ACAN: variants seen among roughly 807,000 people sequenced by gnomAD.
The protein encoded by ACAN is aggrecan core protein.
In ACAN, 47 loss-of-function variants were observed where a neutral mutation model predicts 169.1. The ratio of observed to expected loss-of-function variants is 0.28; its 90% CI spans 0.22 to 0.35. The LOEUF (loss-of-function observed/expected upper bound fraction) is 0.35. ACAN is among the 10% of genes least tolerant of loss of function. The pLI, the probability that ACAN is intolerant of heterozygous loss-of-function variation, is 1.00. For missense variants in ACAN, 2,716 were observed against 2,759.9 expected, an observed-to-expected ratio of 0.98 and a Z score of 0.36; for synonymous variants, 1,115 against 1,112.2, an observed-to-expected ratio of 1.00 and a Z score of -0.05.
rs1160385909 is a variant in ACAN at position 88,839,678 on chromosome 15, C to A, written c.455-334C>A. Among the ~76,000 whole-genome samples the A allele has an allele frequency of 1.3e-5, 2 of 152,180 alleles. No homozygotes were observed. The highest frequency in any genetic ancestry group is 1.3e-4 in the Admixed American group (2 of 15,286). On this transcript the variant is annotated intron_variant, in intron 3 of 18. Coordinates refer to ENST00000560601, the MANE Select transcript of ACAN (RefSeq NM_001369268.1). The surrounding 1 kb of genome is among the most constrained non-coding windows in gnomAD (Gnocchi z 4.5). The stretch of plus-strand genomic sequence containing the variant: ...TGAGGGTGCAGGGCATTCTGAGTGT[C>A]TGTTTCTCTTAATGCAATATGGGGG...
intron 1 of ACAN, among the ~76,000 whole-genome samples, chr15:88,828,240 A>C (rs1461524303): frequency 6.6e-6 from 1 of 152,108 alleles, no homozygotes; most frequent in Admixed American, 6.6e-5. Flanking sequence ...GTGTGAGCAA[A>C]AGAAGGGAGT....
intron 8 of ACAN, 86 bp downstream of exon 8, chr15:88,847,503 T>C (rs1036227693): frequency 2.8e-6 from 4 of 1,405,252 alleles, no homozygotes; most frequent in Non-Finnish European, 3.8e-6. Context: ...CCCAGCACAC[T>C]GAGCACCCAA....
At position 88,814,095 on chromosome 15, in the gene ACAN, A is replaced by T. The variant is rs1895883478; in HGVS notation, c.-8+10286A>T. ...GATGGGATAGAAGGGCTCCAGGCTC[A>T]CCAAAGTGACTTCGTCAGCAGCCAT... On this transcript the variant is annotated intron_variant, in intron 1 of 18. Transcript: ENST00000560601. This position sits in a 1 kb window ranked among gnomAD's most constrained non-coding sequence, Gnocchi z 4.0. 6.6e-6 allele frequency among the ~76,000 whole-genome samples: 1 copy of T among 152,218 alleles called. No homozygotes were observed. Among genetic ancestry groups the T allele is most frequent in the African/African-American group, 2.4e-5 (1 of 41,436 alleles).
rs576077940 is a variant in ACAN at position 88,836,282 on chromosome 15, G to A, written c.70+6G>A. The A allele has an allele frequency of 1.9e-6, 3 of 1,611,690 alleles. No homozygotes were observed. Among genetic ancestry groups the A allele is most frequent in the South Asian group, 1.1e-5 (1 of 90,760 alleles). On this transcript the variant is annotated splice_donor_region_variant and intron_variant, in intron 2 of 18. Transcript: ENST00000560601. Reference sequence around the variant, plus strand: ...TGTCACTGTAGAAACTTCAGGTGAGGACATTCCTATACATGTTTCACGTAT... The same window carrying A: ...TGTCACTGTAGAAACTTCAGGTGAGAACATTCCTATACATGTTTCACGTAT...
In ACAN at chr15:88,843,527, C is replaced by A. The variant is rs1006904472; in HGVS notation, c.930C>A (p.Pro310=). 1.9e-6 allele frequency: 3 copies of A among 1,612,790 alleles called. No individual in the cohort carries two copies. The highest frequency in any genetic ancestry group is 2.5e-6 in the Non-Finnish European group (3 of 1,179,742). Residue 310 remains proline (P), a synonymous_variant, in exon 6 of 19, where the codon CCC becomes CCA. Transcript: ENST00000560601. This position sits in a 1 kb window ranked among gnomAD's most constrained non-coding sequence, Gnocchi z 4.0. ...TGGCCGACCGCAGCGTGCGCTACCCCATCTCCAAGGCCCGGCCCAACTGCG... is the reference window on the plus strand; with the variant it reads ...TGGCCGACCGCAGCGTGCGCTACCCAATCTCCAAGGCCCGGCCCAACTGCG... The part of the protein sequence containing the change: ...GWLADRSVRY[P]ISKARPNCGG...
In ACAN at chr15:88,851,369, T is replaced by C. The variant is rs1516795; in HGVS notation, c.2027-425T>C. ...CAGTAGTTGAGAGCGTGGAGTCTGG[T>C]ACCAGATGCTTAAATTCAAAGACTA... is the stretch of plus-strand genomic sequence containing the variant. On this transcript the variant is annotated intron_variant, in intron 10 of 18. Coordinates refer to ENST00000560601, the MANE Select transcript of ACAN (RefSeq NM_001369268.1). This position sits in a 1 kb window ranked among gnomAD's most constrained non-coding sequence, Gnocchi z 4.3. The C allele has an allele frequency of 0.097, 15,832 of 162,646 alleles. 1,817 individuals are homozygous for C. Among genetic ancestry groups the C allele is most frequent in the African/African-American group, 0.29 (12,008 of 41,678 alleles). The allele number at this position is 162,646 out of a possible 1,614,324, so 10.1% of individuals were successfully genotyped here.
At chr15:88,826,581 C>A in intron 1 of ACAN, among the ~76,000 whole-genome samples, 1 of 152,018 alleles carries the variant, frequency 6.6e-6, no homozygotes, top group East Asian at 1.9e-4. Context: ...CCCCCTCCTC[C>A]AAAATGGACC....
At chr15:88,867,281 A>C (rs1897295095) in intron 13 of ACAN, among the ~76,000 whole-genome samples, 1 of 152,214 alleles carries the variant, frequency 6.6e-6, no homozygotes, top group Non-Finnish European at 1.5e-5. Context: ...TTGATCAGAA[A>C]GGATATCTCA....
At position 88,803,676 on chromosome 15, in the gene ACAN, G is replaced by A. The variant is rs530520157; in HGVS notation, c.-141G>A. ...CGGACAGGACGCCGGCAGGAGGAGG[G>A]GTGCGCAGCGCCCGCGCAGAGCGTC... is the stretch of plus-strand genomic sequence containing the variant. On this transcript the variant is annotated 5_prime_UTR_variant, in exon 1 of 19. Transcript: ENST00000560601. 130 of 152,200 alleles carry A rather than the reference G, an allele frequency of 8.5e-4. No homozygotes were observed. The highest frequency in any genetic ancestry group is 3.1e-3 in the African/African-American group (129 of 41,528). The allele number at this position is 152,200 out of a possible 1,614,324, so 9.4% of individuals were successfully genotyped here.
At chr15:88,844,736 C>G (rs987898584) in intron 6 of ACAN, among the ~76,000 whole-genome samples, 2 of 152,096 alleles carry the variant, frequency 1.3e-5, no homozygotes, top group African/African-American at 4.8e-5. Flanking sequence ...AAAATTAGAC[C>G]AAAATGTTCA....
chr15:88,827,614 A>G (rs1896256551), intron 1 of ACAN, among the ~76,000 whole-genome samples: 1 of 152,154 alleles, frequency 6.6e-6, no homozygotes, highest in Non-Finnish European at 1.5e-5. Context: ...TTGTGCAGAA[A>G]CTGACCTCAG....
chr15:88,823,018 A>G (rs1028795760), intron 1 of ACAN, among the ~76,000 whole-genome samples: 2 of 152,196 alleles, frequency 1.3e-5, no homozygotes, highest in African/African-American at 4.8e-5. Context: ...CTTTCTGGCA[A>G]GCAGGCATTT....
rs758677795 is a variant in ACAN, at chr15:88,838,958, C to T, written c.366C>T (p.Ser122=). ...GTGACGCCACCTTGGAAGTCCAGAG[C>T]CTGCGCTCCAATGACTCTGGGGTCT... ...IPSDATLEVQ[S]LRSNDSGVYR... is the part of the protein sequence containing the mutation. The change falls in exon 3 of 19, where the codon AGC becomes AGT. Residue 122 remains serine (S), a synonymous_variant. Transcript: ENST00000560601. The surrounding 1 kb of genome is among the most constrained non-coding windows in gnomAD (Gnocchi z 5.1). 4 of 1,613,758 alleles carry T rather than the reference C, an allele frequency of 2.5e-6. No individual in the cohort carries two copies. The highest frequency in any genetic ancestry group is 2.7e-5 in the African/African-American group (2 of 75,078).
rs895794475 is a variant in ACAN, at chr15:88,814,201, G to A, written c.-8+10392G>A. ...TCCTCATCTGTGAATTGGGTATAAT[G>A]ACTCCTTCCCGATAGATTTGTTGGG... On this transcript the variant is annotated intron_variant, in intron 1 of 18. Transcript: ENST00000560601. The surrounding 1 kb of genome is among the most constrained non-coding windows in gnomAD (Gnocchi z 4.0). 4.6e-5 allele frequency among the ~76,000 whole-genome samples: 7 copies of A among 152,188 alleles called. No homozygotes were observed. Among genetic ancestry groups the A allele is most frequent in the Non-Finnish European group, 8.8e-5 (6 of 68,040 alleles).
At position 88,858,610 on chromosome 15, in the gene ACAN, G is replaced by C; in HGVS notation, c.6025G>C (p.Ala2009Pro). Residue 2009 changes from alanine (A) to proline (P), a missense_variant, in exon 12 of 19, where the codon GCC becomes CCC. Physicochemically the swap from Ala to Pro is conservative, Grantham distance 27. Coordinates refer to ENST00000560601, the MANE Select transcript of ACAN (RefSeq NM_001369268.1). This position sits in a 1 kb window ranked among gnomAD's most constrained non-coding sequence, Gnocchi z 4.0. Reference protein sequence around the residue: ...PGTPYFSGDFASTTNVSGESS... With the variant: ...PGTPYFSGDFPSTTNVSGESS... ...TACTCCATATTTTAGTGGGGATTTTGCCAGCACCACCAATGTAAGTGGAGA... is the reference window on the plus strand; with the variant it reads ...TACTCCATATTTTAGTGGGGATTTTCCCAGCACCACCAATGTAAGTGGAGA... 2 of 1,613,910 alleles carry C rather than the reference G, an allele frequency of 1.2e-6. No individual in the cohort carries two copies. Among genetic ancestry groups the C allele is most frequent in the Non-Finnish European group, 1.7e-6 (2 of 1,179,892 alleles).
Position 88,857,603 on chromosome 15 carries a change from C to A in ACAN, c.5018C>A (p.Ser1673Tyr). Residue 1673 changes from serine to tyrosine, a missense_variant, in exon 12 of 19, where the codon TCC becomes TAC. By Grantham distance (144) the Ser-to-Tyr change is moderately radical (BLOSUM62 -2). Coordinates refer to ENST00000560601, the MANE Select transcript of ACAN (RefSeq NM_001369268.1). ...ACATTGGTGGAAGTGGTCACAGCCT[C>A]CACTGCAAGTGAACTGGAAGGGAGG... ...DSTLVEVVTASTASELEGRGT... is the reference protein window; with the variant it reads ...DSTLVEVVTAYTASELEGRGT... 1 of 1,613,970 alleles carries A rather than the reference C, an allele frequency of 6.2e-7. No homozygotes were observed. The highest frequency in any genetic ancestry group is 8.5e-7 in the Non-Finnish European group (1 of 1,179,902).
Position 88,849,253 on chromosome 15 carries a change from C to T in ACAN, c.1733-185C>T, listed in dbSNP as rs145914944. On this transcript the variant is annotated intron_variant, in intron 9 of 18. Transcript: ENST00000560601. This position sits in a 1 kb window ranked among gnomAD's most constrained non-coding sequence, Gnocchi z 5.1. ...AACCCCAGTCCAGTACAAACCAGAG[C>T]GGTGGTCACCTATTTCCCAGGGTCC... Among the ~76,000 whole-genome samples the T allele has an allele frequency of 1.3e-5, 2 of 152,280 alleles. No homozygotes were observed. Among genetic ancestry groups the T allele is most frequent in the East Asian group, 3.9e-4 (2 of 5,180 alleles).
Position 88,858,281 on chromosome 15 carries a change from G to C in ACAN, c.5696G>C (p.Ser1899Thr). 6.2e-7 allele frequency: 1 copy of C among 1,613,946 alleles called. No homozygotes were observed. Among genetic ancestry groups the C allele is most frequent in the East Asian group, 2.2e-5 (1 of 44,878 alleles). Residue 1899 changes from serine to threonine, a missense_variant, in exon 12 of 19, where the codon AGT (serine) becomes ACT (threonine). Ser to Thr is a moderately conservative substitution (Grantham distance 58). Around this residue, in one of 3 missense-constraint regions of ACAN, gnomAD observed 1,389 missense variants for 1,363.7 expected, o/e 1.02. Coordinates refer to ENST00000560601, the MANE Select transcript of ACAN (RefSeq NM_001369268.1). This position sits in a 1 kb window ranked among gnomAD's most constrained non-coding sequence, Gnocchi z 4.0. Reference protein sequence around the residue: ...SQTPEFSGLPSGIAEVSGESS... With the variant: ...SQTPEFSGLPTGIAEVSGESS... ...ACTCCGGAATTCAGTGGCCTACCAAGTGGCATAGCTGAGGTCAGTGGAGAA... is the reference window on the plus strand; with the variant it reads ...ACTCCGGAATTCAGTGGCCTACCAACTGGCATAGCTGAGGTCAGTGGAGAA...
At chr15:88,818,200 G>A (rs1895990205) in intron 1 of ACAN, among the ~76,000 whole-genome samples, 1 of 152,222 alleles carries the variant, frequency 6.6e-6, no homozygotes, top group Non-Finnish European at 1.5e-5. Context: ...GTCTAGGTAG[G>A]AGAGAGCCAT....
Sources: allele counts gnomAD v4.1 joint callset (sites outside exome capture counted in the v4.1 genomes callset), GRCh38; gene constraint gnomAD v4.1.1; regional missense constraint gnomAD v4.1.1; non-coding constraint Gnocchi (gnomAD v3.1); transcripts MANE v1.5; gene names NCBI Gene and HGNC (gene_info 2026-07-23, HGNC 2026-07-21).